The following VPS4B variants were observed in gnomAD, a reference collection of about 807,000 sequenced individuals.
VPS4B encodes vacuolar protein sorting 4 homolog B.
In VPS4B, 23 loss-of-function variants were observed where a neutral mutation model predicts 56.1. That is an observed-to-expected ratio of 0.41 (90% CI 0.30 to 0.58). VPS4B has a LOEUF of 0.58. Among genes scored for constraint, VPS4B ranks in the 20% least tolerant of loss-of-function variants. The pLI is 0.29. For synonymous variants in VPS4B, 177 were observed against 186.0 expected (o/e 0.95, Z 0.39); for missense variants, 372 against 531.9 (o/e 0.70, Z 2.96).
chr18:63,391,773 C>T (rs542522080), intron 10 of VPS4B, among the ~76,000 whole-genome samples: 2 of 152,316 alleles, frequency 1.3e-5, no homozygotes, highest in African/African-American at 4.8e-5. Context: ...CATTCACTTA[C>T]ACTTAAGTGA....
chr18:63,419,758 C>T (rs1366728558), intron 1 of VPS4B, among the ~76,000 whole-genome samples: 2 of 152,172 alleles, frequency 1.3e-5, no homozygotes, highest in Non-Finnish European at 2.9e-5. Flanking sequence ...ACTATTTATT[C>T]TAGAATATTT....
At chr18:63,393,709 TC>T (rs1215896937) in intron 9 of VPS4B, 160 bp from the exon 10 acceptor site, 19 of 779,100 alleles carry the variant, frequency 2.4e-5, no homozygotes, top group East Asian at 1.3e-4. Context: ...AAAGTAGTTA[TC>T]CCCTGGGTAA....
At chr18:63,394,947 G>C (rs1915636859) in intron 9 of VPS4B, among the ~76,000 whole-genome samples, 2 of 152,052 alleles carry the variant, frequency 1.3e-5, no homozygotes, top group African/African-American at 4.8e-5. Flanking sequence ...TCTACTTTCT[G>C]ATCTACCACC....
rs1356149519 is a variant in VPS4B at position 63,397,079 on chromosome 18, A to T, written c.1047T>A (p.Leu349=). ...ADISIIVRDA[L]MQPVRKVQSA... ...ACTGTACTTTCCTAACAGGCTGCAT[A>T]AGGGCATCACGTACAATGATACTTA... Residue 349 remains leucine (L), a synonymous_variant, in exon 9 of 11, where the codon CTT becomes CTA. Transcript: ENST00000238497. 1 of 1,614,084 alleles carries T rather than the reference A, an allele frequency of 6.2e-7. No homozygotes were observed. Among genetic ancestry groups the T allele is most frequent in the East Asian group, 2.2e-5 (1 of 44,876 alleles).
At position 63,422,266 on chromosome 18, in the gene VPS4B, G is replaced by T; in HGVS notation, c.-7C>A. 16 of 1,507,032 alleles carry T rather than the reference G, an allele frequency of 1.1e-5. No individual in the cohort carries two copies. Among genetic ancestry groups the T allele is most frequent in the Non-Finnish European group, 1.4e-5 (16 of 1,125,998 alleles). The allele number at this position is 1,507,032 out of a possible 1,614,324, so 93.4% of individuals were successfully genotyped here. On this transcript the variant is annotated 5_prime_UTR_variant, in exon 1 of 11. Coordinates refer to ENST00000238497, the MANE Select transcript of VPS4B (RefSeq NM_004869.4). Reference sequence around the variant, plus strand: ...TGGGCGAAGTGGATGACATGGCGGAGTTCCCAGGCGGTTCCCAAGGGAACG... The same window carrying T: ...TGGGCGAAGTGGATGACATGGCGGATTTCCCAGGCGGTTCCCAAGGGAACG...
At chr18:63,422,172 C>G in intron 1 of VPS4B, 61 bp downstream of exon 1, 5 of 1,430,482 alleles carry the variant, frequency 3.5e-6, no homozygotes, top group Non-Finnish European at 3.7e-6. Flanking sequence ...GCCCCCCACC[C>G]GCTTCTCGCG....
chr18:63,415,269 A>T (rs1279746748), intron 1 of VPS4B: 2 of 153,126 alleles, frequency 1.3e-5, no homozygotes, highest in Non-Finnish European at 2.9e-5. Flanking sequence ...TTATTTTTTC[A>T]TTCCAGAAAG....
intron 9 of VPS4B, 156 bp from the exon 10 acceptor site, chr18:63,393,705 G>T: frequency 1.3e-6 from 1 of 795,554 alleles, no homozygotes; most frequent in Non-Finnish European, 1.8e-6. Flanking sequence ...ACAAAAAGTA[G>T]TTATCCCCTG....
intron 10 of VPS4B, among the ~76,000 whole-genome samples, chr18:63,393,117 C>T (rs1335106405): frequency 6.6e-6 from 1 of 152,158 alleles, no homozygotes; most frequent in African/African-American, 2.4e-5. Context: ...AATAATTATA[C>T]TATATATGAG....
Position 63,408,608 on chromosome 18 carries a change from C to T in VPS4B, c.297-1109G>A, listed in dbSNP as rs933004592. On this transcript the variant is annotated intron_variant, in intron 3 of 10. Transcript: ENST00000238497. The stretch of plus-strand genomic sequence containing the variant: ...GGCACTGGTTTTGCTGAGGGAGCTG[C>T]GCAGAGGATTTACTACCTGCTCCCA... Among the ~76,000 whole-genome samples, 9 of 152,192 alleles carry T rather than the reference C, an allele frequency of 5.9e-5. No individual in the cohort carries two copies. The East Asian group carries it at 1.2e-3, about 19-fold the overall frequency.
chr18:63,418,175 G>A (rs768649753), intron 1 of VPS4B, among the ~76,000 whole-genome samples: 2 of 151,988 alleles, frequency 1.3e-5, no homozygotes, highest in East Asian at 1.9e-4. Flanking sequence ...TCAGCTCCTC[G>A]GTTCTCCTCT....
chr18:63,401,094 A>C (rs1915797782), intron 5 of VPS4B, among the ~76,000 whole-genome samples: 1 of 152,240 alleles, frequency 6.6e-6, no homozygotes, highest in Admixed American at 6.5e-5. Flanking sequence ...ATTGTACAAA[A>C]ATTATATCCA....
At chr18:63,419,678 A>C (rs1455300623) in intron 1 of VPS4B, among the ~76,000 whole-genome samples, 1 of 152,220 alleles carries the variant, frequency 6.6e-6, no homozygotes. Context: ...GAAATAATAA[A>C]ATGCCTACGT....
At chr18:63,396,279 G>A (rs35352447) in intron 9 of VPS4B, 5,435 of 152,124 alleles carry the variant, frequency 0.036, 103 homozygotes, top group African/African-American at 0.044. Flanking sequence ...TTAAGACAGG[G>A]TCTCACTGTG....
rs771892843 is a variant in VPS4B, at chr18:63,390,939, A to G, written c.*36T>C. 7.1e-7 allele frequency: 1 copy of G among 1,399,902 alleles called. No homozygotes were observed. The highest frequency in any genetic ancestry group is 1.0e-6 in the Non-Finnish European group (1 of 995,590). The allele number at this position is 1,399,902 out of a possible 1,614,324, so 86.7% of individuals were successfully genotyped here. A position where few individuals can be genotyped will look rare whatever the true frequency, so the allele number is the denominator to read the frequency against. On this transcript the variant is annotated 3_prime_UTR_variant, in exon 11 of 11. Transcript: ENST00000238497. ...ATAGACAAAAATATCTATGAAAGAAAGAATACATATGGTAAGCATCTTCCT... is the reference window on the plus strand; with the variant it reads ...ATAGACAAAAATATCTATGAAAGAAGGAATACATATGGTAAGCATCTTCCT...
At chr18:63,410,628 T>C (rs575723186) in intron 2 of VPS4B, among the ~76,000 whole-genome samples, 182 bp from the exon 3 acceptor site, 79 of 152,348 alleles carry the variant, frequency 5.2e-4, no homozygotes, top group African/African-American at 1.4e-3. Flanking sequence ...CCAGCAGGGT[T>C]GGAGACCAAC....
At chr18:63,420,197 A>G (rs1162723667) in intron 1 of VPS4B, among the ~76,000 whole-genome samples, 1 of 152,196 alleles carries the variant, frequency 6.6e-6, no homozygotes, top group Non-Finnish European at 1.5e-5. Context: ...CCTGTAACCC[A>G]GCACTTTGGG....
chr18:63,398,225 T>TATATATATATATATA (rs1568084680), intron 8 of VPS4B, among the ~76,000 whole-genome samples: 2 of 54,990 alleles, frequency 3.6e-5, no homozygotes, highest in African/African-American at 9.5e-5. Context: ...ATATATATAT[T>TATATATATATATATA]TTTTTTTGAG....
At position 63,393,903 on chromosome 18, in the gene VPS4B, ATTT is replaced by A. The variant is rs531245241; in HGVS notation, c.1093-357_1093-355del. Among the ~76,000 whole-genome samples the A allele has an allele frequency of 2.6e-5, 4 of 151,346 alleles. No individual in the cohort carries two copies. In the East Asian group the frequency reaches 7.8e-4, roughly 29 times the overall value. On this transcript the variant is annotated intron_variant, in intron 9 of 10. Coordinates refer to ENST00000238497, the MANE Select transcript of VPS4B (RefSeq NM_004869.4). ...AGGCATGTGCCACCACACCCAGCTA[ATTT>A]TTTTTTATTTTTAGGAGAGACGGGG...
Sources: gnomAD v4.1 joint callset for allele counts (sites outside exome capture counted in the v4.1 genomes callset) on GRCh38, gnomAD v4.1.1 for gene constraint, MANE v1.5 for transcripts, NCBI Gene and HGNC (gene_info 2026-07-23, HGNC 2026-07-21) for gene names.